The following ACBD6 variants were observed in gnomAD, a reference collection of about 807,000 sequenced individuals.
ACBD6 encodes acyl-CoA-binding domain-containing protein 6.
Under a neutral mutation model 37.2 loss-of-function variants are expected in ACBD6, and 28 were observed. The observed-to-expected ratio is 0.75, with a 90% confidence interval of 0.56 to 1.03. The LOEUF (loss-of-function observed/expected upper bound fraction) is 1.03, where lower values mean the gene tolerates loss of function less well. Among genes scored for constraint, ACBD6 ranks in the 50% least tolerant of loss-of-function variants. ACBD6 has a pLI of 0.00. For synonymous variants in ACBD6, 113 were observed against 126.8 expected (o/e 0.89, Z 0.73); for missense variants, 340 against 337.4 (o/e 1.01, Z -0.06).
rs536688820 is a variant in ACBD6 at position 180,451,411 on chromosome 1, CA to C, written c.385-21150del. On this transcript the variant is annotated intron_variant, in intron 3 of 7. Transcript: ENST00000367595. ...TTAGAAATAAAGATATATGTACACA[CA>C]AAAACTTGCACACAAATGTTCACAG... 3.7e-3 allele frequency among the ~76,000 whole-genome samples: 559 copies of C among 152,236 alleles called. 1 individual carries two copies. Among genetic ancestry groups the C allele is most frequent in the African/African-American group, 0.013 (527 of 41,542 alleles).
chr1:180,388,003 G>A (rs566662286), intron 6 of ACBD6, among the ~76,000 whole-genome samples: 16 of 141,500 alleles, frequency 1.1e-4, no homozygotes, highest in East Asian at 2.1e-4. Context: ...ATGAAACCCC[G>A]TCTCTACTAA....
At chr1:180,416,145 C>G (rs1346679240) in intron 4 of ACBD6, among the ~76,000 whole-genome samples, 1 of 152,052 alleles carries the variant, frequency 6.6e-6, no homozygotes, top group Admixed American at 6.6e-5. Context: ...CAATCCCACA[C>G]CAAATTTTGA....
intron 6 of ACBD6, among the ~76,000 whole-genome samples, chr1:180,339,646 C>G (rs536696606): frequency 2.0e-5 from 3 of 151,810 alleles, no homozygotes; most frequent in African/African-American, 7.3e-5. Context: ...CAAACCTGCA[C>G]GTTGTGCACA....
intron 3 of ACBD6, among the ~76,000 whole-genome samples, chr1:180,490,383 C>T (rs139690547): frequency 5.3e-5 from 8 of 152,008 alleles, no homozygotes; most frequent in Admixed American, 2.6e-4. Flanking sequence ...TTTCTCATGC[C>T]TATAATCCCA....
At chr1:180,440,386 G>A (rs1649232964) in intron 3 of ACBD6, among the ~76,000 whole-genome samples, 1 of 152,158 alleles carries the variant, frequency 6.6e-6, no homozygotes, top group Admixed American at 6.5e-5. Context: ...TGGGATTACA[G>A]GCATGAGCCA....
intron 7 of ACBD6, among the ~76,000 whole-genome samples, chr1:180,293,194 G>T (rs570217822): frequency 6.6e-6 from 1 of 152,040 alleles, no homozygotes; most frequent in African/African-American, 2.4e-5. Flanking sequence ...TTCCTCTAAG[G>T]TCTTTGTCTG....
intron 3 of ACBD6, among the ~76,000 whole-genome samples, chr1:180,487,412 T>C (rs1396601282): frequency 6.6e-6 from 1 of 152,116 alleles, no homozygotes; most frequent in Non-Finnish European, 1.5e-5. Context: ...TCTCACGCCC[T>C]CCACTCCAAC....
chr1:180,335,638 C>T (rs1266090396), intron 6 of ACBD6, among the ~76,000 whole-genome samples: 1 of 151,418 alleles, frequency 6.6e-6, no homozygotes, highest in Non-Finnish European at 1.5e-5. Context: ...ATCATAATGA[C>T]AGGATCAAAT....
intron 6 of ACBD6, among the ~76,000 whole-genome samples, chr1:180,369,533 T>G (rs531284147): frequency 3.9e-5 from 6 of 152,224 alleles, no homozygotes; most frequent in Non-Finnish European, 7.4e-5. Flanking sequence ...TACCTCAGCT[T>G]TCTTCTTCCA....
intron 6 of ACBD6, among the ~76,000 whole-genome samples, chr1:180,369,727 C>T (rs2101913522): frequency 6.6e-6 from 1 of 152,262 alleles, no homozygotes; most frequent in South Asian, 2.1e-4. Context: ...GTCATGTCAA[C>T]ATGGGCACTG....
chr1:180,415,819 A>T (rs1648069726), intron 4 of ACBD6, among the ~76,000 whole-genome samples: 1 of 152,186 alleles, frequency 6.6e-6, no homozygotes, highest in Non-Finnish European at 1.5e-5. Flanking sequence ...AAACACATAT[A>T]AATTTCTATT....
chr1:180,318,042 G>A (rs556263553), intron 6 of ACBD6, among the ~76,000 whole-genome samples: 1 of 151,764 alleles, frequency 6.6e-6, no homozygotes, highest in African/African-American at 2.4e-5. Context: ...CCAGGCGTTG[G>A]TGGCTTGTGT....
At chr1:180,493,247 CAAAAAAAAAAAAAAA>C (rs71121023) in intron 2 of ACBD6, among the ~76,000 whole-genome samples, 5 of 47,796 alleles carry the variant, frequency 1.0e-4, no homozygotes, top group East Asian at 4.1e-3. Context: ...AATTCTGTCT[CAAAAAAAAAAAAAAA>C]AAAAAAAAAA....
At chr1:180,401,742 C>T (rs998318824) in intron 5 of ACBD6, among the ~76,000 whole-genome samples, 11 of 144,286 alleles carry the variant, frequency 7.6e-5, no homozygotes, top group Non-Finnish European at 1.6e-4. Flanking sequence ...GAGATGAGAT[C>T]GTGCCACTGT....
intron 5 of ACBD6, among the ~76,000 whole-genome samples, chr1:180,400,467 A>G (rs1647307849): frequency 6.6e-6 from 1 of 152,230 alleles, no homozygotes; most frequent in Non-Finnish European, 1.5e-5. Flanking sequence ...GAAGATATCT[A>G]CATTAAGACC....
chr1:180,461,428 C>T (rs929181633), intron 3 of ACBD6, among the ~76,000 whole-genome samples: 1 of 152,066 alleles, frequency 6.6e-6, no homozygotes, highest in Non-Finnish European at 1.5e-5. Context: ...CAGTAAGATA[C>T]CTCACGAGAA....
intron 6 of ACBD6, among the ~76,000 whole-genome samples, chr1:180,392,755 A>C (rs1654122828): frequency 6.8e-6 from 1 of 146,362 alleles, no homozygotes; most frequent in African/African-American, 2.5e-5. Context: ...TTATTGCTTT[A>C]TACTTTTCTC....
intron 3 of ACBD6, among the ~76,000 whole-genome samples, chr1:180,463,057 C>T (rs746004184): frequency 1.6e-4 from 24 of 152,148 alleles, no homozygotes; most frequent in Non-Finnish European, 3.1e-4. Context: ...TGTACCAGAT[C>T]TCTAGGACAC....
chr1:180,461,389 G>A (rs1224876034), intron 3 of ACBD6, among the ~76,000 whole-genome samples: 2 of 152,098 alleles, frequency 1.3e-5, no homozygotes, highest in Non-Finnish European at 2.9e-5. Flanking sequence ...TCAAATTCAG[G>A]AAATGCAGAC....
Sources: gnomAD v4.1 joint callset for allele counts (sites outside exome capture counted in the v4.1 genomes callset) on GRCh38, gnomAD v4.1.1 for gene constraint, MANE v1.5 for transcripts, NCBI Gene and HGNC (gene_info 2026-07-23, HGNC 2026-07-21) for gene names.